KIAA2012: variants seen among roughly 807,000 people sequenced by gnomAD.
KIAA2012 encodes KIAA2012.
In KIAA2012, 125 loss-of-function variants were observed where a neutral mutation model predicts 150.6. That is an observed-to-expected ratio of 0.83 (90% CI 0.72 to 0.96). KIAA2012 has a LOEUF of 0.96. Among genes scored for constraint, KIAA2012 ranks in the 40% least tolerant of loss-of-function variants. KIAA2012 has a pLI of 0.00. For missense variants in KIAA2012, 1,219 were observed against 1,354.9 expected, an observed-to-expected ratio of 0.90 and a Z score of 1.57; for synonymous variants, 462 against 504.7, an observed-to-expected ratio of 0.92 and a Z score of 1.13.
At chr2:202,170,918 T>C (rs1202321946) in intron 15 of KIAA2012, among the ~76,000 whole-genome samples, 1 of 152,214 alleles carries the variant, frequency 6.6e-6, no homozygotes, top group Non-Finnish European at 1.5e-5. Context: ...TATCCCTATT[T>C]GTCAGATGAG....
At chr2:202,183,113 C>T (rs959947700) in intron 15 of KIAA2012, among the ~76,000 whole-genome samples, 1 of 152,100 alleles carries the variant, frequency 6.6e-6, no homozygotes, top group African/African-American at 2.4e-5. Context: ...TCCTCATATC[C>T]TCATAAGATA....
At chr2:202,155,561 G>C (rs1691510766) in intron 14 of KIAA2012, among the ~76,000 whole-genome samples, 3 of 152,188 alleles carry the variant, frequency 2.0e-5, no homozygotes, top group African/African-American at 7.2e-5. Context: ...ACACAGCCAG[G>C]CCTGGCATGG....
chr2:202,198,794 C>G (rs1001252196), intron 22 of KIAA2012, among the ~76,000 whole-genome samples: 11 of 152,140 alleles, frequency 7.2e-5, no homozygotes, highest in African/African-American at 2.7e-4. Context: ...TATTTGTCCA[C>G]AACTTAAGCT....
Position 202,099,662 on chromosome 2 carries a change from A to G in KIAA2012, c.878A>G (p.Tyr293Cys), listed in dbSNP as rs1296191623. Residue 293 changes from tyrosine to cysteine, a missense_variant, in exon 6 of 24, where the codon TAC becomes TGC. Transcript: ENST00000498697. ...TGTTTATATGCTTCAAAGGAGAGCT[A>G]CAATGAAAAGACACAGCAAACCTCC... is the stretch of plus-strand genomic sequence containing the variant. ...HLCLYASKES[Y>C]NEKTQQTSRK... 1.3e-6 allele frequency: 2 copies of G among 1,550,490 alleles called. No homozygotes were observed. Among genetic ancestry groups the G allele is most frequent in the Non-Finnish European group, 1.7e-6 (2 of 1,146,912 alleles).
intron 2 of KIAA2012, among the ~76,000 whole-genome samples, chr2:202,079,144 A>C (rs1293900961): frequency 6.6e-6 from 1 of 152,214 alleles, no homozygotes; most frequent in East Asian, 1.9e-4. Context: ...ACGGGATTTT[A>C]CAAATAAAAT....
At chr2:202,086,313 G>A (rs549263959) in intron 2 of KIAA2012, among the ~76,000 whole-genome samples, 59 of 152,226 alleles carry the variant, frequency 3.9e-4, no homozygotes, top group African/African-American at 1.3e-3. Context: ...GGTCCTTACT[G>A]CATTCAGAGG....
intron 12 of KIAA2012, chr2:202,125,724 G>C (rs541754817): frequency 5.0e-5 from 19 of 379,382 alleles, no homozygotes; most frequent in African/African-American, 3.9e-4. Context: ...ACTGAGGCCA[G>C]GTCTGCCTCT....
At chr2:202,161,090 T>G (rs1367360124) in intron 14 of KIAA2012, among the ~76,000 whole-genome samples, 1 of 152,248 alleles carries the variant, frequency 6.6e-6, no homozygotes, top group Non-Finnish European at 1.5e-5. Context: ...GTCCAGCATC[T>G]GTCGGTTTCC....
intron 13 of KIAA2012, among the ~76,000 whole-genome samples, chr2:202,140,052 A>AC (rs1224390250): frequency 1.3e-5 from 2 of 152,082 alleles, no homozygotes; most frequent in African/African-American, 4.8e-5. Flanking sequence ...ACATGGTGAA[A>AC]CCCCGTCTCT....
chr2:202,194,322 A>T lies in KIAA2012; in HGVS notation c.3147A>T (p.Glu1049Asp), dbSNP rs1215841692. The change falls in exon 21 of 24, where the codon GAA (glutamate) becomes GAT (aspartate). Residue 1049 changes from glutamate to aspartate, a missense_variant. Coordinates refer to ENST00000498697, the MANE Select transcript of KIAA2012 (RefSeq NM_001277372.4). ...QQEEFRRKLR[E>D]LQRKKQQEEA... ...AGGAGTTTCGGAGGAAACTGCGAGA[A>T]CTACAGAGAAAAAAGCAGCAGGAGG... 6.4e-7 allele frequency: 1 copy of T among 1,550,390 alleles called. No individual in the cohort carries two copies. The highest frequency in any genetic ancestry group is 2.4e-5 in the East Asian group (1 of 40,916).
intron 12 of KIAA2012, among the ~76,000 whole-genome samples, chr2:202,134,549 GTTTC>G (rs1388932648): frequency 3.3e-5 from 5 of 152,272 alleles, no homozygotes; most frequent in South Asian, 2.1e-4. Flanking sequence ...ATATGACTAT[GTTTC>G]TTTCTTTCTT....
intron 7 of KIAA2012, among the ~76,000 whole-genome samples, chr2:202,102,413 T>G (rs778286481): frequency 1.8e-4 from 27 of 152,246 alleles, no homozygotes; most frequent in Non-Finnish European, 3.2e-4. Flanking sequence ...ATATATTAGC[T>G]CATTTAATCC....
intron 7 of KIAA2012, among the ~76,000 whole-genome samples, chr2:202,101,552 A>G (rs1337877762): frequency 1.6e-4 from 25 of 152,222 alleles, no homozygotes; most frequent in Admixed American, 1.6e-3. Context: ...GAGGAAAGCA[A>G]TATTTTCCAC....
At chr2:202,106,654 T>A (rs1690200308) in intron 9 of KIAA2012, among the ~76,000 whole-genome samples, 1 of 152,032 alleles carries the variant, frequency 6.6e-6, no homozygotes, top group Non-Finnish European at 1.5e-5. Flanking sequence ...GCCACTGCAC[T>A]CCAGCCTGGG....
At chr2:202,138,676 C>T (rs759116453) in intron 13 of KIAA2012, among the ~76,000 whole-genome samples, 168 bp downstream of exon 13, 1 of 152,160 alleles carries the variant, frequency 6.6e-6, no homozygotes, top group Non-Finnish European at 1.5e-5. Flanking sequence ...TTCCTTTACT[C>T]TTAGACTTGG....
At chr2:202,170,454 A>G (rs1452587162) in intron 15 of KIAA2012, among the ~76,000 whole-genome samples, 2 of 152,154 alleles carry the variant, frequency 1.3e-5, no homozygotes, top group African/African-American at 4.8e-5. Context: ...GGCCGTCTTA[A>G]GTCTTTAACC....
At position 202,156,246 on chromosome 2, in the gene KIAA2012, C is replaced by T. The variant is rs564486059; in HGVS notation, c.2046+1436C>T. Reference sequence around the variant, plus strand: ...TACAAGAAAGAAGAATGATTCTGGACGTCAAAAGAAAAGATATTTGTTACG... The same window carrying T: ...TACAAGAAAGAAGAATGATTCTGGATGTCAAAAGAAAAGATATTTGTTACG... On this transcript the variant is annotated intron_variant, in intron 14 of 23. Transcript: ENST00000498697. Among the ~76,000 whole-genome samples the T allele has an allele frequency of 2.3e-4, 35 of 152,078 alleles. No individual in the cohort carries two copies. The South Asian group carries it at 3.3e-3, about 14-fold the overall frequency.
At chr2:202,086,068 T>C (rs1689560621) in intron 2 of KIAA2012, among the ~76,000 whole-genome samples, 1 of 145,920 alleles carries the variant, frequency 6.9e-6, no homozygotes, top group Non-Finnish European at 1.5e-5. Context: ...CTTGGGAGGC[T>C]GAGGCAGGAG....
chr2:202,149,040 T>C (rs1691365042), intron 13 of KIAA2012, among the ~76,000 whole-genome samples: 1 of 152,092 alleles, frequency 6.6e-6, no homozygotes, highest in Non-Finnish European at 1.5e-5. Context: ...ACGGGGAAAG[T>C]TGCCAGGCCC....
Sources: gnomAD v4.1 joint callset for allele counts (sites outside exome capture counted in the v4.1 genomes callset) on GRCh38, gnomAD v4.1.1 for gene constraint, MANE v1.5 for transcripts, NCBI Gene and HGNC (gene_info 2026-07-23, HGNC 2026-07-21) for gene names.